The following SYNE1 variants were observed in gnomAD, a reference collection of about 807,000 sequenced individuals.
SYNE1 encodes spectrin repeat containing nuclear envelope protein 1, also known as nesprin-1.
Under a neutral mutation model 1,111.0 loss-of-function variants are expected in SYNE1, and 616 were observed. The observed-to-expected ratio is 0.55, with a 90% CI of 0.52 to 0.59. The LOEUF is 0.59. Among genes scored for constraint, SYNE1 ranks in the 20% least tolerant of loss-of-function variants. The probability of loss-of-function intolerance (pLI) is 0.00; values close to 1 mark genes in which losing one functional copy is unlikely to be tolerated. For synonymous variants in SYNE1, 3,855 were observed against 3,825.8 expected (o/e 1.01, Z -0.28); for missense variants, 10,006 against 10,417.0 (o/e 0.96, Z 1.72).
chr6:152,373,095 G>C lies in SYNE1; in HGVS notation c.9449C>G (p.Ala3150Gly), dbSNP rs2097216548. The C allele has an allele frequency of 1.2e-6, 2 of 1,613,926 alleles. No homozygotes were observed. The highest frequency in any genetic ancestry group is 3.3e-5 in the Admixed American group (2 of 59,992). ...AKGIQAKVTA[A>G]KEDWKNFHSN... ...ATGAAAATTTTTCCAATCTTCTTTT[G>C]CAGCTGTAACTTTGGCCTGGATCCC... The change falls in exon 59 of 146, where the codon GCA becomes GGA. Residue 3150 changes from alanine (A) to glycine (G), a missense_variant. Transcript: ENST00000367255.
chr6:152,436,032 G>A lies in SYNE1; in HGVS notation c.4219C>T (p.Pro1407Ser), dbSNP rs2098471097. ...ENLVKEASEI[P>S]LGPQNKQLLQ... is the part of the protein sequence containing the mutation. Reference sequence around the variant, plus strand: ...AGCTGCTTATTTTGGGGCCCAAGCGGTATCTCTGAAGCTTCCTTTACAAGG... The same window carrying A: ...AGCTGCTTATTTTGGGGCCCAAGCGATATCTCTGAAGCTTCCTTTACAAGG... Residue 1407 changes from proline to serine, a missense_variant, in exon 33 of 146, where the codon CCG becomes TCG. By Grantham distance (74) the Pro-to-Ser change is moderately conservative (BLOSUM62 -1). Transcript: ENST00000367255. 1 of 1,613,946 alleles carries A rather than the reference G, an allele frequency of 6.2e-7. No individual in the cohort carries two copies.
Position 152,293,983 on chromosome 6 carries a change from A to T in SYNE1, c.17827T>A (p.Ser5943Thr), listed in dbSNP as rs147998933. ...ACCACATTCTTTAAGGTTTCCCAAG[A>T]ACGCTGCAAATCACCCAGTTTGGCA... The part of the protein sequence containing the change: ...ATAKLGDLQR[S>T]WETLKNVISE... Residue 5943 changes from serine (S) to threonine (T), a missense_variant, in exon 94 of 146, where the codon TCT (serine) becomes ACT (threonine). Physicochemically the swap from Ser to Thr is moderately conservative, Grantham distance 58. Transcript: ENST00000367255. The T allele has an allele frequency of 2.5e-6, 4 of 1,614,092 alleles. No homozygotes were observed. In the Admixed American group the frequency reaches 6.7e-5, roughly 27 times the overall value.
chr6:152,349,865 T>G lies in SYNE1; in HGVS notation c.11901+303A>C, dbSNP rs1038758079. 3.3e-5 allele frequency among the ~76,000 whole-genome samples: 5 copies of G among 152,194 alleles called. No homozygotes were observed. The East Asian group carries it at 9.6e-4, about 29-fold the overall frequency. ...GGGGAGTTTCCCTGGAAATGCTCTC[T>G]TCTGTTGTCTGCTGCCATGTGAGAT... On this transcript the variant is annotated intron_variant, in intron 72 of 145. Coordinates refer to ENST00000367255, the MANE Select transcript of SYNE1 (RefSeq NM_182961.4).
intron 56 of SYNE1, among the ~76,000 whole-genome samples, chr6:152,379,553 T>C (rs191939678): frequency 1.3e-5 from 2 of 152,184 alleles, no homozygotes; most frequent in Non-Finnish European, 2.9e-5. Flanking sequence ...TTTACTATTT[T>C]GTTAACATTT....
intron 43 of SYNE1, 159 bp from the exon 44 acceptor site, chr6:152,409,385 T>G (rs2097970607): frequency 1.8e-6 from 2 of 1,100,284 alleles, no homozygotes; most frequent in Non-Finnish European, 2.6e-6. Flanking sequence ...ACCATTTTCT[T>G]GAATTGCTAG....
Position 152,441,768 on chromosome 6 carries a change from T to C in SYNE1, c.4008+307A>G, listed in dbSNP as rs554095674. Among the ~76,000 whole-genome samples the C allele has an allele frequency of 1.2e-4, 18 of 152,320 alleles. No homozygotes were observed. In the East Asian group the frequency reaches 2.1e-3, roughly 18 times the overall value. On this transcript the variant is annotated intron_variant, in intron 31 of 145. Coordinates refer to ENST00000367255, the MANE Select transcript of SYNE1 (RefSeq NM_182961.4). ...GGCTTCCTGGAAAAGTGAAATGGCA[T>C]GATCAAATTTCTGGATTCAGAAAAG...
intron 131 of SYNE1, among the ~76,000 whole-genome samples, chr6:152,157,456 A>T (rs1399335381): frequency 1.3e-5 from 2 of 152,210 alleles, no homozygotes. Context: ...TGAGGTGTCA[A>T]TAGACACAAA....
chr6:152,233,330 C>A (rs1328591520), intron 112 of SYNE1, among the ~76,000 whole-genome samples: 1 of 146,774 alleles, frequency 6.8e-6, no homozygotes, highest in East Asian at 1.9e-4. Context: ...TAGCGTAGTT[C>A]ACTCTTTTTT....
At chr6:152,294,538 A>T (rs2094773604) in intron 93 of SYNE1, among the ~76,000 whole-genome samples, 1 of 152,220 alleles carries the variant, frequency 6.6e-6, no homozygotes, top group Admixed American at 6.5e-5. Context: ...TAATTTAAAA[A>T]CTACTTGACT....
chr6:152,369,445 G>T, intron 60 of SYNE1, 26 bp downstream of exon 60: 2 of 1,614,030 alleles, frequency 1.2e-6, no homozygotes, highest in Non-Finnish European at 1.7e-6. Flanking sequence ...AGGTCAGATG[G>T]GGCTACGGGG....
intron 2 of SYNE1, among the ~76,000 whole-genome samples, chr6:152,630,185 C>T (rs541453043): frequency 6.6e-6 from 1 of 150,984 alleles, no homozygotes; most frequent in East Asian, 1.9e-4. Context: ...ATGTGCAATG[C>T]ATCAGAAGGA....
Position 152,350,189 on chromosome 6 carries a change from G to A in SYNE1, c.11880C>T (p.Thr3960=). ...LLETSSLETI[T]QQLAHHKAMM... is the part of the protein sequence containing the mutation. ...GTACCTTGTGGTGGGCCAATTGCTG[G>A]GTGATTGTCTCCAGGCTGCTTGTCT... Residue 3960 remains threonine, a synonymous_variant, in exon 72 of 146, where the codon ACC becomes ACT. Coordinates refer to ENST00000367255, the MANE Select transcript of SYNE1 (RefSeq NM_182961.4). 6.2e-7 allele frequency: 1 copy of A among 1,613,562 alleles called. No homozygotes were observed. Among genetic ancestry groups the A allele is most frequent in the Non-Finnish European group, 8.5e-7 (1 of 1,180,028 alleles).
chr6:152,381,449 T>TGTA, intron 55 of SYNE1, 87 bp from the exon 56 acceptor site: 9 of 1,390,536 alleles, frequency 6.5e-6, no homozygotes, highest in African/African-American at 1.4e-5. Context: ...GGGGACCCTG[T>TGTA]CCTGCCAGGA....
intron 35 of SYNE1, 59 bp from the exon 36 acceptor site, chr6:152,430,269 A>G (rs2098416691): frequency 7.0e-7 from 1 of 1,422,282 alleles, no homozygotes; most frequent in East Asian, 2.4e-5. Flanking sequence ...AAGACAAAAA[A>G]AAAAGTTACT....
At chr6:152,297,369 C>T (rs898135805) in intron 93 of SYNE1, among the ~76,000 whole-genome samples, 1 of 152,156 alleles carries the variant, frequency 6.6e-6, no homozygotes, top group South Asian at 2.1e-4. Flanking sequence ...TGACTCCAGC[C>T]AGTTTAGGTG....
chr6:152,206,481 G>T, intron 125 of SYNE1, 119 bp from the exon 126 acceptor site: 2 of 1,088,448 alleles, frequency 1.8e-6, no homozygotes, highest in Admixed American at 4.1e-5. Flanking sequence ...TTACCGTAGT[G>T]GTGCTTTGCA....
rs774640415 is a variant in SYNE1, at chr6:152,242,319, C to A, written c.19814G>T (p.Gly6605Val). 2 of 1,614,072 alleles carry A rather than the reference C, an allele frequency of 1.2e-6. No homozygotes were observed. The highest frequency in any genetic ancestry group is 2.2e-5 in the South Asian group (2 of 91,070). The change falls in exon 107 of 146, where the codon GGT (glycine) becomes GTT (valine). Residue 6605 changes from glycine to valine, a missense_variant. Physicochemically the swap from Gly to Val is moderately radical, Grantham distance 109. This residue lies in a region of SYNE1 where 2,182 missense variants were observed against 2,287.8 expected (regional missense o/e 0.95). Coordinates refer to ENST00000367255, the MANE Select transcript of SYNE1 (RefSeq NM_182961.4). ...LQDLADLLET[G>V]QEKMAGDQKI... ...CTGGTCTCCTGCCATCTTCTCCTGA[C>A]CAGTTTCTAGCAGGTCAGCCAGATC... is the stretch of plus-strand genomic sequence containing the variant.
rs186535283 is a variant in SYNE1 at position 152,319,144 on chromosome 6, C to T, written c.16237-129G>A. 2.9e-5 allele frequency: 37 copies of T among 1,296,048 alleles called. No individual in the cohort carries two copies. In the Admixed American group the frequency reaches 3.9e-4, roughly 14 times the overall value. 80.3% of individuals were successfully genotyped at this position (1,296,048 alleles called of 1,614,324 possible). A position where few individuals can be genotyped will look rare whatever the true frequency, so the allele number is the denominator to read the frequency against. Reference sequence around the variant, plus strand: ...GCATTGAAACACCTGGTCACACCAGCGATGTGCGATTAGTTACAAGCCCTC... The same window carrying T: ...GCATTGAAACACCTGGTCACACCAGTGATGTGCGATTAGTTACAAGCCCTC... On this transcript the variant is annotated intron_variant, in intron 84 of 145. Transcript: ENST00000367255.
chr6:152,284,273 A>C, intron 95 of SYNE1, 101 bp from the exon 96 acceptor site: 1 of 1,211,856 alleles, frequency 8.3e-7, no homozygotes, highest in Non-Finnish European at 1.2e-6. Flanking sequence ...AGCGGAAGAG[A>C]TTTCACCTGG....
Sources: gnomAD v4.1 joint callset for allele counts (sites outside exome capture counted in the v4.1 genomes callset) on GRCh38, gnomAD v4.1.1 for gene constraint, gnomAD v4.1.1 regional missense constraint, MANE v1.5 for transcripts, NCBI Gene and HGNC (gene_info 2026-07-23, HGNC 2026-07-21) for gene names.